The following KCNN2 variants were observed in gnomAD, a reference collection of about 807,000 sequenced individuals.
KCNN2 encodes potassium calcium-activated channel subfamily N member 2, also known as small conductance calcium-activated potassium channel protein 2.
A neutral mutation model predicts 55.5 loss-of-function variants in KCNN2; 24 were observed. The observed-to-expected ratio is 0.43, with a 90% confidence interval of 0.31 to 0.61. KCNN2 has a LOEUF of 0.61. Ranked by LOEUF, KCNN2 falls within the 20% of genes least tolerant of loss-of-function variation. The pLI is 0.08. For synonymous variants in KCNN2, 431 were observed against 336.1 expected (o/e 1.28, Z -3.09); for missense variants, 754 against 853.6 (o/e 0.88, Z 1.45).
At chr5:114,487,486 G>A (rs1183748031) in intron 6 of KCNN2, among the ~76,000 whole-genome samples, 2 of 151,988 alleles carry the variant, frequency 1.3e-5, no homozygotes, top group Non-Finnish European at 2.9e-5. Flanking sequence ...TTTGCTCTAG[G>A]ATTTTTTCAG....
intron 1 of KCNN2, among the ~76,000 whole-genome samples, chr5:114,082,626 T>C (rs1349818639): frequency 2.0e-5 from 3 of 152,186 alleles, no homozygotes; most frequent in Non-Finnish European, 2.9e-5. Context: ...GAAAAGTATG[T>C]TTATAACAGC....
At chr5:114,239,876 ATATAT>A (rs1434660304) in intron 2 of KCNN2, among the ~76,000 whole-genome samples, 2 of 152,234 alleles carry the variant, frequency 1.3e-5, no homozygotes, top group African/African-American at 2.4e-5. Context: ...TAACCAAAAG[ATATAT>A]TAGAAAGGCA....
At chr5:114,306,687 AT>A (rs377020234) in intron 2 of KCNN2, among the ~76,000 whole-genome samples, 128 of 7,284 alleles carry the variant, frequency 0.018, 1 homozygote, top group African/African-American at 0.027. Context: ...TCACACTTAA[AT>A]TTTTTTTTTT....
intron 2 of KCNN2, among the ~76,000 whole-genome samples, chr5:114,350,502 T>G (rs1211791950): frequency 3.9e-5 from 6 of 152,080 alleles, no homozygotes; most frequent in African/African-American, 1.4e-4. Context: ...TTGTAGCTTA[T>G]GCTTTTAGTA....
chr5:114,149,517 A>G (rs1046103558), intron 1 of KCNN2, among the ~76,000 whole-genome samples: 2 of 152,100 alleles, frequency 1.3e-5, no homozygotes, highest in Non-Finnish European at 2.9e-5. Context: ...CACTGGATAT[A>G]CCAGCATTTA....
chr5:114,467,060 T>C (rs1761485721), intron 4 of KCNN2, among the ~76,000 whole-genome samples: 1 of 152,212 alleles, frequency 6.6e-6, no homozygotes, highest in Non-Finnish European at 1.5e-5. Context: ...AATAATCCTT[T>C]CCACGTTAAA....
At chr5:114,442,646 G>T (rs935698008) in intron 3 of KCNN2, among the ~76,000 whole-genome samples, 2 of 152,114 alleles carry the variant, frequency 1.3e-5, no homozygotes, top group African/African-American at 4.8e-5. Flanking sequence ...CTTATGAATG[G>T]CAAACGACGG....
intron 6 of KCNN2, 86 bp downstream of exon 6, chr5:114,487,263 G>GT: frequency 8.3e-7 from 1 of 1,206,894 alleles, no homozygotes; most frequent in African/African-American, 1.5e-5. Context: ...CATAAGGAAG[G>GT]AAAAAAGAAA....
chr5:114,274,178 C>T (rs1049681443), intron 2 of KCNN2, among the ~76,000 whole-genome samples: 4 of 152,032 alleles, frequency 2.6e-5, no homozygotes, highest in Admixed American at 6.6e-5. Flanking sequence ...TGAAGGCCTG[C>T]GTTCTGTTCC....
At chr5:114,144,224 C>T (rs925506597) in intron 1 of KCNN2, among the ~76,000 whole-genome samples, 1 of 152,194 alleles carries the variant, frequency 6.6e-6, no homozygotes, top group Non-Finnish European at 1.5e-5. Flanking sequence ...CAGAAGTATT[C>T]CAATCACATT....
At chr5:114,134,642 ATTTTTTGTATT>A (rs1752138172) in intron 1 of KCNN2, among the ~76,000 whole-genome samples, 1 of 151,752 alleles carries the variant, frequency 6.6e-6, no homozygotes, top group South Asian at 2.1e-4. Context: ...CTCCCGGCAA[ATTTTTTGTATT>A]TTTGGTAGAG....
intron 1 of KCNN2, among the ~76,000 whole-genome samples, chr5:114,215,828 A>T (rs1753989496): frequency 2.0e-5 from 3 of 152,132 alleles, no homozygotes; most frequent in Non-Finnish European, 2.9e-5. Context: ...GTTAGAAAGT[A>T]GGTATAAATT....
At chr5:114,396,890 G>A (rs963401996) in intron 2 of KCNN2, among the ~76,000 whole-genome samples, 7 of 152,096 alleles carry the variant, frequency 4.6e-5, no homozygotes, top group African/African-American at 1.7e-4. Flanking sequence ...TCTACCCTCA[G>A]GTAGGCCCTG....
chr5:114,203,935 C>G (rs900234339), intron 1 of KCNN2, among the ~76,000 whole-genome samples: 1 of 152,162 alleles, frequency 6.6e-6, no homozygotes, highest in Non-Finnish European at 1.5e-5. Flanking sequence ...CAGTTACAAA[C>G]ATTATCTCCT....
chr5:114,162,719 G>A (rs1716029039), intron 1 of KCNN2, among the ~76,000 whole-genome samples: 1 of 152,114 alleles, frequency 6.6e-6, no homozygotes, highest in African/African-American at 2.4e-5. Context: ...CCCTCCCCCA[G>A]CCTCGCTGCC....
At chr5:114,088,067 G>C (rs1285379613) in intron 1 of KCNN2, among the ~76,000 whole-genome samples, 2 of 151,784 alleles carry the variant, frequency 1.3e-5, no homozygotes, top group Non-Finnish European at 2.9e-5. Flanking sequence ...TGCTGGCAGT[G>C]GGTTCTCTCA....
intron 2 of KCNN2, among the ~76,000 whole-genome samples, chr5:114,247,044 C>T (rs1276653782): frequency 2.0e-5 from 3 of 151,286 alleles, no homozygotes; most frequent in Non-Finnish European, 4.4e-5. Context: ...GCACTCACGC[C>T]TGTAATCCCA....
At chr5:114,399,921 T>C (rs1442678412) in intron 2 of KCNN2, among the ~76,000 whole-genome samples, 1 of 134,166 alleles carries the variant, frequency 7.5e-6, no homozygotes, top group Non-Finnish European at 1.6e-5. Flanking sequence ...TTTGAGGGTT[T>C]TTTTTTTTGT....
intron 1 of KCNN2, among the ~76,000 whole-genome samples, chr5:114,074,325 T>TGC (rs1368340223): frequency 2.1e-5 from 3 of 142,250 alleles, no homozygotes; most frequent in African/African-American, 8.2e-5. Flanking sequence ...TGTGTGTGTG[T>TGC]GTGTGCGCGC....
Sources: allele counts gnomAD v4.1 joint callset (sites outside exome capture counted in the v4.1 genomes callset), GRCh38; gene constraint gnomAD v4.1.1; transcripts MANE v1.5; gene names NCBI Gene and HGNC (gene_info 2026-07-23, HGNC 2026-07-21).